The following CNTNAP5 variants were observed in gnomAD, a reference collection of about 807,000 sequenced individuals.
The protein encoded by CNTNAP5 is contactin-associated protein-like 5.
Under a neutral mutation model 150.2 loss-of-function variants are expected in CNTNAP5, and 72 were observed. The ratio of observed to expected loss-of-function variants is 0.48; its 90% confidence interval spans 0.40 to 0.58. The LOEUF is 0.58. Ranked by LOEUF, CNTNAP5 falls within the 20% of genes least tolerant of loss-of-function variation. CNTNAP5 has a pLI of 0.00. For synonymous variants in CNTNAP5, 672 were observed against 619.8 expected, an observed-to-expected ratio of 1.08 and a Z score of -1.25; for missense variants, 1,636 against 1,626.2, an observed-to-expected ratio of 1.01 and a Z score of -0.10.
chr2:124,082,087 T>C lies in CNTNAP5; in HGVS notation c.82+56355T>C, dbSNP rs560750175. Among the ~76,000 whole-genome samples, 7 of 152,208 alleles carry C rather than the reference T, an allele frequency of 4.6e-5. No homozygotes were observed. In the East Asian group the frequency reaches 1.4e-3, roughly 29 times the overall value. On this transcript the variant is annotated intron_variant, in intron 1 of 23. Transcript: ENST00000682447. ...ACACAGGGCCAGGCGCAGTGGCTCA[T>C]GCCTATAATCCCAGCACTTTGGGAG...
At chr2:124,149,371 G>C (rs1005917951) in intron 1 of CNTNAP5, among the ~76,000 whole-genome samples, 1 of 126,314 alleles carries the variant, frequency 7.9e-6, no homozygotes, top group Non-Finnish European at 1.6e-5. Context: ...GCATTTGCTA[G>C]CATACCATGT....
At chr2:124,413,388 C>T (rs1173482444) in intron 3 of CNTNAP5, among the ~76,000 whole-genome samples, 1 of 147,514 alleles carries the variant, frequency 6.8e-6, no homozygotes, top group African/African-American at 2.5e-5. Context: ...TGGGTATATA[C>T]CCAAAGGACT....
intron 23 of CNTNAP5, among the ~76,000 whole-genome samples, chr2:124,912,530 A>G (rs765223357): frequency 1.3e-5 from 2 of 152,062 alleles, no homozygotes; most frequent in Non-Finnish European, 2.9e-5. Context: ...TGAGAACATG[A>G]AGAAAGGAAA....
At chr2:124,094,586 A>G (rs1357616712) in intron 1 of CNTNAP5, among the ~76,000 whole-genome samples, 1 of 152,248 alleles carries the variant, frequency 6.6e-6, no homozygotes, top group Non-Finnish European at 1.5e-5. Context: ...AGATAGACTC[A>G]AAGTTTCATG....
chr2:124,295,125 CCACCAAA>C (rs2104638504), intron 3 of CNTNAP5, among the ~76,000 whole-genome samples: 1 of 85,008 alleles, frequency 1.2e-5, no homozygotes, highest in African/African-American at 4.8e-5. Flanking sequence ...ACAACAACCA[CCACCAAA>C]CAAACAAACA....
intron 1 of CNTNAP5, among the ~76,000 whole-genome samples, chr2:124,220,430 A>C (rs980420080): frequency 1.3e-5 from 2 of 152,098 alleles, no homozygotes; most frequent in Admixed American, 1.3e-4. Context: ...TTCTTTCAAC[A>C]AACCTTTATC....
At chr2:124,572,427 T>C (rs1009283026) in intron 11 of CNTNAP5, among the ~76,000 whole-genome samples, 1 of 152,148 alleles carries the variant, frequency 6.6e-6, no homozygotes, top group African/African-American at 2.4e-5. Context: ...TGTTTACCTA[T>C]GGAACAAACC....
At chr2:124,346,329 C>T (rs1689736356) in intron 3 of CNTNAP5, among the ~76,000 whole-genome samples, 1 of 152,176 alleles carries the variant, frequency 6.6e-6, no homozygotes, top group African/African-American at 2.4e-5. Flanking sequence ...TTATGGCTTA[C>T]TCTGGTTTAT....
At chr2:124,781,498 C>G (rs2104620826) in intron 17 of CNTNAP5, among the ~76,000 whole-genome samples, 1 of 152,290 alleles carries the variant, frequency 6.6e-6, no homozygotes, top group Non-Finnish European at 1.5e-5. Context: ...CAGCCTGAGA[C>G]TTGTGTGCCC....
chr2:124,364,122 G>GTT (rs1690300256), intron 3 of CNTNAP5, among the ~76,000 whole-genome samples: 1 of 152,108 alleles, frequency 6.6e-6, no homozygotes, highest in African/African-American at 2.4e-5. Context: ...TGGCTACAAA[G>GTT]TTATACAGGA....
At chr2:124,587,671 G>A (rs535001877) in intron 11 of CNTNAP5, among the ~76,000 whole-genome samples, 2 of 152,138 alleles carry the variant, frequency 1.3e-5, no homozygotes, top group Admixed American at 6.6e-5. Flanking sequence ...TTCCAGAAAG[G>A]TCTCTCAGAA....
At chr2:124,790,213 T>A in intron 18 of CNTNAP5, 72 bp downstream of exon 18, 1 of 1,449,460 alleles carries the variant, frequency 6.9e-7, no homozygotes, top group Non-Finnish European at 9.3e-7. Context: ...GGCCATGTGA[T>A]ACTCACACTC....
chr2:124,297,066 T>G (rs997338699), intron 3 of CNTNAP5, among the ~76,000 whole-genome samples: 2 of 152,198 alleles, frequency 1.3e-5, no homozygotes, highest in African/African-American at 4.8e-5. Context: ...TTCTCTGGCA[T>G]CAGCAAAAAT....
chr2:124,871,277 C>CTTATTTATTTATTTAT (rs1401599879), intron 21 of CNTNAP5, among the ~76,000 whole-genome samples: 1,992 of 135,492 alleles, frequency 0.015, 45 homozygotes, highest in African/African-American at 0.069. Context: ...TACATATTTA[C>CTTATTTATTTATTTAT]TTACTTATTT....
intron 1 of CNTNAP5, among the ~76,000 whole-genome samples, chr2:124,214,727 G>T (rs905959678): frequency 6.6e-6 from 1 of 152,140 alleles, no homozygotes; most frequent in South Asian, 2.1e-4. Flanking sequence ...AAAATGTATG[G>T]ATTATCTTTC....
chr2:124,527,662 T>C (rs1182208839), intron 10 of CNTNAP5, among the ~76,000 whole-genome samples: 1 of 152,230 alleles, frequency 6.6e-6, no homozygotes, highest in Non-Finnish European at 1.5e-5. Flanking sequence ...CATGTTGACT[T>C]GCAGTAAATG....
At chr2:124,410,796 A>G (rs1303859831) in intron 3 of CNTNAP5, among the ~76,000 whole-genome samples, 3 of 150,470 alleles carry the variant, frequency 2.0e-5, no homozygotes, top group African/African-American at 7.3e-5. Context: ...CAAAATTGAC[A>G]CCCTAACATC....
At chr2:124,258,173 G>A (rs1174081404) in intron 3 of CNTNAP5, among the ~76,000 whole-genome samples, 1 of 152,126 alleles carries the variant, frequency 6.6e-6, no homozygotes, top group Non-Finnish European at 1.5e-5. Context: ...TCTGGGGTAT[G>A]GGCGATGGAT....
chr2:124,419,773 G>A (rs1390941257), intron 4 of CNTNAP5, among the ~76,000 whole-genome samples: 2 of 151,882 alleles, frequency 1.3e-5, no homozygotes, highest in African/African-American at 2.4e-5. Context: ...TTTTTTATTT[G>A]GGGGAAATAA....
Sources: allele counts gnomAD v4.1 joint callset (sites outside exome capture counted in the v4.1 genomes callset), GRCh38; gene constraint gnomAD v4.1.1; transcripts MANE v1.5; gene names NCBI Gene and HGNC (gene_info 2026-07-23, HGNC 2026-07-21).